Variants in SSPN observed in about 807,000 individuals in gnomAD.
SSPN encodes K-ras oncogene-associated protein.
Under a neutral mutation model 19.1 loss-of-function variants are expected in SSPN, and 15 were observed. The observed-to-expected ratio is 0.78, with a 90% CI of 0.52 to 1.21. The LOEUF is 1.21. SSPN is among the 50% of genes most tolerant of loss of function. The probability of loss-of-function intolerance (pLI) is 0.00; values close to 1 mark genes in which losing one functional copy is unlikely to be tolerated. For missense variants in SSPN, 291 were observed against 314.0 expected (o/e 0.93, Z 0.55); for synonymous variants, 147 against 140.3 (o/e 1.05, Z -0.34).
Position 26,195,844 on chromosome 12 carries a change from C to G in SSPN, c.172C>G (p.Leu58Val). ...CGCRFPLLLA[L>V]LQLALGIAVT... Reference sequence around the variant, plus strand: ...CTGCCGGTTCCCGCTGCTGCTCGCCCTGCTGCAGCTGGCCCTGGGCATCGC... The same window carrying G: ...CTGCCGGTTCCCGCTGCTGCTCGCCGTGCTGCAGCTGGCCCTGGGCATCGC... Residue 58 changes from leucine to valine, a missense_variant, in exon 1 of 3, where the codon CTG becomes GTG. By Grantham distance (32) the Leu-to-Val change is conservative. Coordinates refer to ENST00000242729, the MANE Select transcript of SSPN (RefSeq NM_005086.5). The G allele has an allele frequency of 6.5e-7, 1 of 1,547,528 alleles. No homozygotes were observed. The highest frequency in any genetic ancestry group is 8.7e-7 in the Non-Finnish European group (1 of 1,150,954).
At chr12:26,208,852 A>G (rs1286594797) in intron 1 of SSPN, among the ~76,000 whole-genome samples, 1 of 152,116 alleles carries the variant, frequency 6.6e-6, no homozygotes, top group East Asian at 1.9e-4. Context: ...CCCATTTATC[A>G]TCTGTCAAGT....
At chr12:26,122,421 G>C in intron 1 of SSPN, 1 of 1,343,018 alleles carries the variant, frequency 7.4e-7, no homozygotes, top group Non-Finnish European at 9.6e-7. Flanking sequence ...GTCCAGGAAG[G>C]GCTGCACGTA....
intron 1 of SSPN, among the ~76,000 whole-genome samples, chr12:26,183,898 A>G (rs1459312926): frequency 6.6e-6 from 1 of 152,246 alleles, no homozygotes; most frequent in Non-Finnish European, 1.5e-5. Flanking sequence ...TTCGATGGCA[A>G]CATGAAAGGA....
At position 26,156,945 on chromosome 12, in the gene SSPN, A is replaced by G. The variant is rs900578726; in HGVS notation, c.-31+34793A>G. ...AATCCAGGTGTCTGACTCCAAATCT[A>G]GTGTGTGGAACACTGTACCATTTTC... is the stretch of plus-strand genomic sequence containing the variant. On this transcript the variant is annotated intron_variant, in intron 1 of 2. Transcript: ENST00000538142. Among the ~76,000 whole-genome samples, 4 of 152,358 alleles carry G rather than the reference A, an allele frequency of 2.6e-5. No homozygotes were observed. The East Asian group carries it at 7.7e-4, about 29-fold the overall frequency.
intron 1 of SSPN, among the ~76,000 whole-genome samples, chr12:26,151,732 A>AT (rs1246895728): frequency 1.3e-5 from 2 of 152,246 alleles, no homozygotes; most frequent in Middle Eastern, 3.4e-3. Context: ...TCTAGTACAA[A>AT]TTTTTTGTAA....
At chr12:26,176,475 G>A (rs1004257468) in intron 1 of SSPN, among the ~76,000 whole-genome samples, 1 of 152,138 alleles carries the variant, frequency 6.6e-6, no homozygotes, top group Non-Finnish European at 1.5e-5. Flanking sequence ...TCTAAATAAA[G>A]ATGTTCAAAC....
At chr12:26,200,376 T>C (rs1283577405) in intron 1 of SSPN, among the ~76,000 whole-genome samples, 1 of 152,190 alleles carries the variant, frequency 6.6e-6, no homozygotes, top group Non-Finnish European at 1.5e-5. Flanking sequence ...GAAATTCAAG[T>C]TGCAGGTTTA....
chr12:26,190,811 A>G (rs1377582927), upstream of SSPN, among the ~76,000 whole-genome samples: 2 of 152,230 alleles, frequency 1.3e-5, no homozygotes, highest in African/African-American at 2.4e-5. Context: ...TGCACAGATC[A>G]TAAGTGTTGT....
chr12:26,198,524 A>G (rs1478675172), intron 1 of SSPN, among the ~76,000 whole-genome samples: 2 of 152,226 alleles, frequency 1.3e-5, no homozygotes, highest in East Asian at 1.9e-4. Flanking sequence ...GCATGATTCA[A>G]TGAGTTAGCT....
At chr12:26,204,684 T>C (rs965776050) in intron 1 of SSPN, among the ~76,000 whole-genome samples, 2 of 152,166 alleles carry the variant, frequency 1.3e-5, no homozygotes, top group East Asian at 3.9e-4. Flanking sequence ...CTTCACTCTT[T>C]GGTAGATCTT....
intron 1 of SSPN, among the ~76,000 whole-genome samples, chr12:26,138,628 C>T (rs1374519708): frequency 6.6e-6 from 1 of 150,650 alleles, no homozygotes; most frequent in East Asian, 1.9e-4. Context: ...TTTTAAATAG[C>T]CACATGTTAG....
intron 1 of SSPN, among the ~76,000 whole-genome samples, chr12:26,189,786 A>G (rs753831221): frequency 6.6e-6 from 1 of 152,180 alleles, no homozygotes; most frequent in Non-Finnish European, 1.5e-5. Flanking sequence ...AAGGTAACCA[A>G]TGACCACCTT....
At chr12:26,172,336 C>A (rs541664069) in intron 1 of SSPN, among the ~76,000 whole-genome samples, 26 of 152,128 alleles carry the variant, frequency 1.7e-4, no homozygotes, top group Admixed American at 1.7e-3. Flanking sequence ...GCCTTTACCC[C>A]GTCACTCCCG....
At chr12:26,175,553 GTTTTAA>G (rs1338897196) in intron 1 of SSPN, among the ~76,000 whole-genome samples, 1 of 151,906 alleles carries the variant, frequency 6.6e-6, no homozygotes, top group East Asian at 1.9e-4. Flanking sequence ...GAATTTTTAT[GTTTTAA>G]ACAATGATAA....
intron 1 of SSPN, among the ~76,000 whole-genome samples, chr12:26,188,264 A>G (rs1276069119): frequency 6.6e-6 from 1 of 152,214 alleles, no homozygotes. Context: ...GAAAGAATTC[A>G]TAGAAGTGTA....
chr12:26,173,938 A>G (rs7132278), intron 1 of SSPN, among the ~76,000 whole-genome samples: 6,493 of 152,236 alleles, frequency 0.043, 502 homozygotes, highest in African/African-American at 0.15. Context: ...GGAAAAATTC[A>G]TTTGCAGCCA....
At chr12:26,122,527 C>T in intron 1 of SSPN, 1 of 1,276,996 alleles carries the variant, frequency 7.8e-7, no homozygotes, top group African/African-American at 1.6e-5. Flanking sequence ...CCGCCTCCGC[C>T]GAACGCCACC....
chr12:26,209,965 A>G (rs1403307661), intron 1 of SSPN, among the ~76,000 whole-genome samples: 1 of 152,092 alleles, frequency 6.6e-6, no homozygotes, highest in African/African-American at 2.4e-5. Context: ...TTGAGAGTAC[A>G]ACCCTTCCAG....
At chr12:26,171,308 A>G (rs1944652161) in intron 1 of SSPN, among the ~76,000 whole-genome samples, 1 of 152,184 alleles carries the variant, frequency 6.6e-6, no homozygotes, top group Admixed American at 6.5e-5. Flanking sequence ...TTTTCCTAAT[A>G]GTTTTGGTTC....
Sources: allele counts gnomAD v4.1 joint callset (sites outside exome capture counted in the v4.1 genomes callset), GRCh38; gene constraint gnomAD v4.1.1; transcripts MANE v1.5; gene names NCBI Gene and HGNC (gene_info 2026-07-23, HGNC 2026-07-21).